SPOCK3: variants seen among roughly 807,000 people sequenced by gnomAD.
SPOCK3 encodes the protein SPARC (osteonectin), cwcv and kazal like domains proteoglycan 3, also known as testican-3.
SPOCK3 carries 30 observed loss-of-function variants against 56.6 expected under a neutral mutation model. The ratio of observed to expected loss-of-function variants is 0.53; its 90% confidence interval spans 0.40 to 0.72. SPOCK3 has a LOEUF of 0.72. Ranked by LOEUF, SPOCK3 falls within the 30% of genes least tolerant of loss-of-function variation. The pLI is 0.00. For missense variants in SPOCK3, 527 were observed against 530.0 expected (o/e 0.99, Z 0.06); for synonymous variants, 196 against 183.3 (o/e 1.07, Z -0.56).
At chr4:167,061,275 G>A (rs759248312) in intron 3 of SPOCK3, among the ~76,000 whole-genome samples, 6 of 151,882 alleles carry the variant, frequency 4.0e-5, no homozygotes, top group Admixed American at 1.3e-4. Context: ...TCCCAAGAAA[G>A]CCAGTAAATA....
rs74688225 is a variant in SPOCK3 at position 167,063,719 on chromosome 4, C to G, written c.190-1182G>C. ...AGTATCTCGTGTATTATTTCATACT[C>G]TATGTCAATGTGTACACATTATTTA... is the stretch of plus-strand genomic sequence containing the variant. On this transcript the variant is annotated intron_variant, in intron 2 of 10. Transcript: ENST00000357545. Among the ~76,000 whole-genome samples, 836 of 151,902 alleles carry G rather than the reference C, an allele frequency of 5.5e-3. 6 individuals carry two copies. The highest frequency in any genetic ancestry group is 0.02 in the African/African-American group (814 of 41,480).
At chr4:166,861,056 C>G (rs1470750236) in intron 6 of SPOCK3, among the ~76,000 whole-genome samples, 3 of 151,924 alleles carry the variant, frequency 2.0e-5, no homozygotes, top group Middle Eastern at 3.4e-3. Context: ...GTTCTCCCGA[C>G]TCAGAATGAT....
At chr4:167,095,224 C>A (rs1487743624) in intron 2 of SPOCK3, among the ~76,000 whole-genome samples, 1 of 152,058 alleles carries the variant, frequency 6.6e-6, no homozygotes, top group Non-Finnish European at 1.5e-5. Context: ...ACCCTCTGGC[C>A]TAGTCAAGCT....
chr4:166,937,781 G>A (rs1477507655), intron 4 of SPOCK3, among the ~76,000 whole-genome samples: 1 of 144,358 alleles, frequency 6.9e-6, no homozygotes, highest in Non-Finnish European at 1.5e-5. Context: ...TTTTTGAGAC[G>A]GAGTGTCACT....
intron 7 of SPOCK3, among the ~76,000 whole-genome samples, chr4:166,779,126 T>G (rs1739893618): frequency 6.6e-6 from 1 of 152,174 alleles, no homozygotes; most frequent in African/African-American, 2.4e-5. Flanking sequence ...AGTTTCCATT[T>G]TGAGACCAAC....
chr4:167,122,809 C>T (rs1353686453), intron 2 of SPOCK3, among the ~76,000 whole-genome samples: 2 of 152,114 alleles, frequency 1.3e-5, no homozygotes, highest in Non-Finnish European at 1.5e-5. Context: ...GATATTTTCA[C>T]ATGAGTGGTG....
intron 4 of SPOCK3, among the ~76,000 whole-genome samples, chr4:166,979,597 A>C (rs1195464790): frequency 1.3e-5 from 2 of 152,036 alleles, no homozygotes; most frequent in African/African-American, 4.8e-5. Flanking sequence ...CTTCACCTTA[A>C]AATTTTGCTT....
chr4:167,108,088 T>C (rs1455235251), intron 2 of SPOCK3, among the ~76,000 whole-genome samples: 2 of 151,722 alleles, frequency 1.3e-5, no homozygotes, highest in African/African-American at 4.8e-5. Flanking sequence ...GAAATGCAAA[T>C]CAAAACTATA....
chr4:167,206,965 A>C (rs771491052), intron 2 of SPOCK3, among the ~76,000 whole-genome samples: 32 of 152,066 alleles, frequency 2.1e-4, no homozygotes, highest in Non-Finnish European at 3.8e-4. Flanking sequence ...TGTTCCCAAC[A>C]CAAAAAAAAC....
At chr4:166,958,936 C>T (rs1039422630) in intron 4 of SPOCK3, among the ~76,000 whole-genome samples, 7 of 151,946 alleles carry the variant, frequency 4.6e-5, no homozygotes, top group African/African-American at 7.3e-5. Context: ...AATCAGTAAA[C>T]GTGTTGGGGA....
At chr4:166,983,323 T>G (rs1196933024) in intron 4 of SPOCK3, among the ~76,000 whole-genome samples, 1 of 152,104 alleles carries the variant, frequency 6.6e-6, no homozygotes, top group Admixed American at 6.6e-5. Context: ...TAAATGAATA[T>G]TATCTTCACT....
intron 6 of SPOCK3, among the ~76,000 whole-genome samples, chr4:166,800,478 G>T (rs1314463868): frequency 6.6e-6 from 1 of 152,086 alleles, no homozygotes; most frequent in African/African-American, 2.4e-5. Context: ...TGCCCCTGAA[G>T]AGCTTCCAGT....
At chr4:167,176,728 G>A (rs80204160) in intron 2 of SPOCK3, among the ~76,000 whole-genome samples, 3,699 of 152,138 alleles carry the variant, frequency 0.024, 143 homozygotes, top group African/African-American at 0.084. Context: ...ATTGGAACTG[G>A]ACAGGGTAGA....
chr4:166,806,232 G>A (rs1743152514), intron 6 of SPOCK3, among the ~76,000 whole-genome samples: 1 of 151,948 alleles, frequency 6.6e-6, no homozygotes, highest in Admixed American at 6.6e-5. Context: ...ATTTATTAGT[G>A]TCTCAAATAC....
chr4:167,016,784 C>G (rs1750671546), intron 3 of SPOCK3, among the ~76,000 whole-genome samples: 1 of 152,086 alleles, frequency 6.6e-6, no homozygotes, highest in East Asian at 1.9e-4. Flanking sequence ...TCAGCTGATC[C>G]ACCAGCCTTG....
At chr4:166,799,644 G>A (rs946068981) in intron 6 of SPOCK3, among the ~76,000 whole-genome samples, 2 of 152,130 alleles carry the variant, frequency 1.3e-5, no homozygotes, top group Admixed American at 6.6e-5. Flanking sequence ...AGACCAACAA[G>A]CCTGTAGTTG....
chr4:166,817,403 G>T (rs1024646473), intron 6 of SPOCK3, among the ~76,000 whole-genome samples: 17 of 151,998 alleles, frequency 1.1e-4, no homozygotes, highest in South Asian at 4.1e-4. Flanking sequence ...CCTTGAAAAG[G>T]CATTTCAGAA....
intron 4 of SPOCK3, among the ~76,000 whole-genome samples, chr4:166,942,252 C>G (rs1396660933): frequency 6.6e-6 from 1 of 151,814 alleles, no homozygotes; most frequent in East Asian, 1.9e-4. Flanking sequence ...TGCTCTGTCA[C>G]TAGGCTGGAG....
At chr4:166,962,590 C>T (rs1744258061) in intron 4 of SPOCK3, among the ~76,000 whole-genome samples, 1 of 152,018 alleles carries the variant, frequency 6.6e-6, no homozygotes, top group Non-Finnish European at 1.5e-5. Flanking sequence ...GAAGAAAGTG[C>T]TATAGTGGAA....
Sources: allele counts gnomAD v4.1 joint callset (sites outside exome capture counted in the v4.1 genomes callset), GRCh38; gene constraint gnomAD v4.1.1; transcripts MANE v1.5; gene names NCBI Gene and HGNC (gene_info 2026-07-23, HGNC 2026-07-21).